The following SLC35F1 variants were observed in gnomAD, a reference collection of about 807,000 sequenced individuals.
The protein encoded by SLC35F1 is chromosome 6 open reading frame 169.
Under a neutral mutation model 48.7 loss-of-function variants are expected in SLC35F1, and 14 were observed. That is an observed-to-expected ratio of 0.29 (90% CI 0.19 to 0.45). SLC35F1 has a LOEUF of 0.45. SLC35F1 is among the 20% of genes least tolerant of loss of function. The pLI is 1.00. For synonymous variants in SLC35F1, 190 were observed against 202.2 expected, an observed-to-expected ratio of 0.94 and a Z score of 0.51; for missense variants, 404 against 500.0, an observed-to-expected ratio of 0.81 and a Z score of 1.83.
chr6:117,981,121 G>T (rs1776771164), intron 1 of SLC35F1, among the ~76,000 whole-genome samples: 1 of 152,164 alleles, frequency 6.6e-6, no homozygotes, highest in African/African-American at 2.4e-5. Context: ...AGGGTATTTT[G>T]GGTTGCCATT....
chr6:118,133,171 C>T (rs978571669), intron 1 of SLC35F1, among the ~76,000 whole-genome samples: 1 of 152,132 alleles, frequency 6.6e-6, no homozygotes, highest in Non-Finnish European at 1.5e-5. Context: ...AATCAGTAAT[C>T]TGTGATCTGC....
chr6:117,933,778 TGTG>T (rs1459538085), intron 1 of SLC35F1, among the ~76,000 whole-genome samples: 1 of 151,856 alleles, frequency 6.6e-6, no homozygotes, highest in Non-Finnish European at 1.5e-5. Context: ...TACGCTTGGG[TGTG>T]GTGGGCTCCA....
intron 2 of SLC35F1, among the ~76,000 whole-genome samples, chr6:118,157,412 G>A (rs779942468): frequency 7.9e-5 from 12 of 152,122 alleles, no homozygotes; most frequent in Admixed American, 1.3e-4. Flanking sequence ...CTCTAGAGCC[G>A]CAGGACTAAT....
intron 2 of SLC35F1, among the ~76,000 whole-genome samples, chr6:118,198,485 A>G (rs1774831112): frequency 6.6e-6 from 1 of 152,246 alleles, no homozygotes; most frequent in Non-Finnish European, 1.5e-5. Flanking sequence ...TTAAAATCTG[A>G]AAGCAAATTA....
chr6:118,080,692 T>C (rs73525682), intron 1 of SLC35F1, among the ~76,000 whole-genome samples: 4,890 of 152,250 alleles, frequency 0.032, 274 homozygotes, highest in African/African-American at 0.11. Context: ...CTCGTTTGAT[T>C]GAAATAGTGA....
intron 3 of SLC35F1, among the ~76,000 whole-genome samples, chr6:118,244,009 T>C (rs1342198001): frequency 6.6e-6 from 1 of 152,248 alleles, no homozygotes; most frequent in African/African-American, 2.4e-5. Flanking sequence ...ATTGCCATGA[T>C]TGTGAAAATG....
At chr6:118,174,043 G>C (rs764429043) in intron 2 of SLC35F1, among the ~76,000 whole-genome samples, 2 of 152,154 alleles carry the variant, frequency 1.3e-5, no homozygotes, top group Non-Finnish European at 2.9e-5. Flanking sequence ...ACCAATCCCA[G>C]TTATCAGATG....
At chr6:118,263,776 C>T (rs1249946048) in intron 3 of SLC35F1, among the ~76,000 whole-genome samples, 3 of 152,006 alleles carry the variant, frequency 2.0e-5, no homozygotes, top group Non-Finnish European at 4.4e-5. Context: ...AATTAAGCTA[C>T]GAGAAAACTG....
chr6:118,070,510 C>T (rs1772686517), intron 1 of SLC35F1, among the ~76,000 whole-genome samples: 1 of 152,072 alleles, frequency 6.6e-6, no homozygotes, highest in African/African-American at 2.4e-5. Flanking sequence ...ACATACATAA[C>T]TGAACACACA....
At chr6:118,148,757 C>T (rs1774012229) in intron 1 of SLC35F1, among the ~76,000 whole-genome samples, 2 of 152,158 alleles carry the variant, frequency 1.3e-5, no homozygotes, top group Admixed American at 1.3e-4. Flanking sequence ...CTACAGCTCG[C>T]TGTACAAAAT....
chr6:118,225,492 A>C (rs1775203581), intron 2 of SLC35F1, among the ~76,000 whole-genome samples: 1 of 152,232 alleles, frequency 6.6e-6, no homozygotes. Context: ...AAATCTAATC[A>C]AAATGGATTG....
intron 1 of SLC35F1, among the ~76,000 whole-genome samples, chr6:117,984,044 C>T (rs1002028470): frequency 1.3e-5 from 2 of 152,092 alleles, no homozygotes; most frequent in African/African-American, 2.4e-5. Context: ...ACAGTTTAAA[C>T]AGTAGGAAAT....
intron 6 of SLC35F1, among the ~76,000 whole-genome samples, chr6:118,279,326 A>C (rs182916349): frequency 3.2e-4 from 48 of 152,298 alleles, no homozygotes; most frequent in African/African-American, 1.1e-3. Flanking sequence ...AGGGGAATCA[A>C]ATACTCATCT....
Position 118,097,377 on chromosome 6 carries a change from T to C in SLC35F1, c.174-57068T>C, listed in dbSNP as rs75862507. On this transcript the variant is annotated intron_variant, in intron 1 of 7. Transcript: ENST00000360388. ...AGAAGGGGGCTCCAGGCAGGAGAGT[T>C]TGCCCCTTCCTTTTAAAACAATTCA... Among the ~76,000 whole-genome samples the C allele has an allele frequency of 7.2e-3, 1,091 of 152,314 alleles. 11 individuals carry two copies. The highest frequency in any genetic ancestry group is 0.024 in the African/African-American group (1,008 of 41,564).
At chr6:117,998,956 C>T (rs9555) in intron 1 of SLC35F1, 26 of 926,868 alleles carry the variant, frequency 2.8e-5, no homozygotes, top group Admixed American at 1.0e-4. Flanking sequence ...CTTCGGGAGC[C>T]GCGGCTTATG....
In SLC35F1 at chr6:118,143,289, T is replaced by C. The variant is rs564189512; in HGVS notation, c.174-11156T>C. Among the ~76,000 whole-genome samples, 41 of 152,260 alleles carry C rather than the reference T, an allele frequency of 2.7e-4. 1 individual carries two copies. Among genetic ancestry groups the C allele is most frequent in the African/African-American group, 9.9e-4 (41 of 41,560 alleles). On this transcript the variant is annotated intron_variant, in intron 1 of 7. Transcript: ENST00000360388. ...CAGAGTTCACTAACATAATTCAAAATGCAAAGCTAAAAGCATTGTGTAAGG... is the reference window on the plus strand; with the variant it reads ...CAGAGTTCACTAACATAATTCAAAACGCAAAGCTAAAAGCATTGTGTAAGG...
chr6:118,101,117 G>A (rs1773250895), intron 1 of SLC35F1, among the ~76,000 whole-genome samples: 1 of 152,072 alleles, frequency 6.6e-6, no homozygotes, highest in East Asian at 1.9e-4. Flanking sequence ...TCTGTGCCAG[G>A]AAATTGTCTC....
At chr6:118,194,541 G>A (rs1045168355) in intron 2 of SLC35F1, among the ~76,000 whole-genome samples, 8 of 152,042 alleles carry the variant, frequency 5.3e-5, no homozygotes, top group Non-Finnish European at 7.4e-5. Flanking sequence ...TGAATAGCGA[G>A]CTTATGGGTT....
At chr6:118,166,062 G>T (rs1774312961) in intron 2 of SLC35F1, among the ~76,000 whole-genome samples, 1 of 152,036 alleles carries the variant, frequency 6.6e-6, no homozygotes, top group African/African-American at 2.4e-5. Context: ...GTCATTAAAA[G>T]AAATTGGTCT....
Sources: allele counts gnomAD v4.1 joint callset (sites outside exome capture counted in the v4.1 genomes callset), GRCh38; gene constraint gnomAD v4.1.1; transcripts MANE v1.5; gene names NCBI Gene and HGNC (gene_info 2026-07-23, HGNC 2026-07-21).